Variants in FAF1 observed in about 807,000 individuals in gnomAD.
FAF1 encodes the protein Fas associated factor 1.
Under a neutral mutation model 92.5 loss-of-function variants are expected in FAF1, and 25 were observed. That is an observed-to-expected ratio of 0.27 (90% confidence interval 0.20 to 0.38). The LOEUF is 0.38. Ranked by LOEUF, FAF1 falls within the 10% of genes least tolerant of loss-of-function variation. The pLI is 1.00. For synonymous variants in FAF1, 234 were observed against 273.2 expected (o/e 0.86, Z 1.42); for missense variants, 636 against 793.3 (o/e 0.80, Z 2.38).
chr1:50,549,389 G>C (rs1472437255), intron 13 of FAF1, among the ~76,000 whole-genome samples: 1 of 152,012 alleles, frequency 6.6e-6, no homozygotes, highest in African/African-American at 2.4e-5. Flanking sequence ...GCTCACGGAA[G>C]GCTTGAACTC....
chr1:50,554,390 T>TATAGAGAGAGAGAGAGAGAG, intron 13 of FAF1, among the ~76,000 whole-genome samples: 11 of 93,688 alleles, frequency 1.2e-4, no homozygotes, highest in South Asian at 4.0e-4. Context: ...TATATATATA[T>TATAGAGAGAGAGAGAGAGAG]AGAGAGAGAG....
intron 6 of FAF1, among the ~76,000 whole-genome samples, chr1:50,709,375 A>G (rs1657821232): frequency 1.3e-5 from 2 of 152,210 alleles, no homozygotes; most frequent in Admixed American, 6.5e-5. Flanking sequence ...TGTTTTTATA[A>G]TAACTGATTA....
intron 4 of FAF1, among the ~76,000 whole-genome samples, chr1:50,752,591 T>C (rs1659910379): frequency 6.6e-6 from 1 of 152,232 alleles, no homozygotes; most frequent in Non-Finnish European, 1.5e-5. Flanking sequence ...TCATTTTCTC[T>C]ACTACTTATC....
rs1350693475 is a variant in FAF1 at position 50,734,657 on chromosome 1, C to T, written c.551+4206G>A. 2.0e-5 allele frequency among the ~76,000 whole-genome samples: 3 copies of T among 151,666 alleles called. 1 individual carries two copies. Among genetic ancestry groups the T allele is most frequent in the South Asian group, 4.2e-4 (2 of 4,798 alleles). On this transcript the variant is annotated intron_variant, in intron 6 of 18. Coordinates refer to ENST00000396153, the MANE Select transcript of FAF1 (RefSeq NM_007051.3). ...GCTGAGGCAGGAGAATGGCGTGAAC[C>T]CAGGGGGCGGAGCTTGCATTGAGCC...
intron 2 of FAF1, among the ~76,000 whole-genome samples, chr1:50,848,346 G>T (rs2048636): frequency 1.3e-5 from 2 of 152,056 alleles, no homozygotes; most frequent in Non-Finnish European, 1.5e-5. Flanking sequence ...ATGCCGTATA[G>T]GGCTGTTAAA....
intron 4 of FAF1, among the ~76,000 whole-genome samples, chr1:50,750,667 A>T (rs1357606086): frequency 4.9e-5 from 7 of 142,184 alleles, no homozygotes; most frequent in Admixed American, 7.5e-5. Context: ...TCTGTTGCCC[A>T]GGCTGGAGTG....
Position 50,583,807 on chromosome 1 carries a change from A to G in FAF1, c.968-92T>C. On this transcript the variant is annotated intron_variant, in intron 10 of 18. Coordinates refer to ENST00000396153, the MANE Select transcript of FAF1 (RefSeq NM_007051.3). This position sits in a 1 kb window ranked among gnomAD's most constrained non-coding sequence, Gnocchi z 4.2. ...CATAACATCTAATCCCACATATAAG[A>G]AATATATTCAATCAATAAAGAGGAA... 1 of 646,476 alleles carries G rather than the reference A, an allele frequency of 1.5e-6. No homozygotes were observed. The highest frequency in any genetic ancestry group is 2.5e-5 in the South Asian group (1 of 40,696). 40.0% of individuals were successfully genotyped at this position (646,476 alleles called of 1,614,324 possible).
At chr1:50,670,036 G>A (rs535999908) in intron 7 of FAF1, among the ~76,000 whole-genome samples, 2 of 150,932 alleles carry the variant, frequency 1.3e-5, no homozygotes, top group East Asian at 3.9e-4. Context: ...GAGGAGAATC[G>A]CTTGAACAAG....
intron 2 of FAF1, among the ~76,000 whole-genome samples, chr1:50,809,984 A>C (rs937270755): frequency 6.6e-6 from 1 of 152,230 alleles, no homozygotes; most frequent in Admixed American, 6.5e-5. Flanking sequence ...GGCTTGGCGC[A>C]GTGGCTCATG....
At chr1:50,767,904 A>G (rs1557518257) in intron 4 of FAF1, among the ~76,000 whole-genome samples, 1 of 152,220 alleles carries the variant, frequency 6.6e-6, no homozygotes, top group African/African-American at 2.4e-5. Flanking sequence ...CTGCATAATA[A>G]CCAGGTAACA....
intron 2 of FAF1, among the ~76,000 whole-genome samples, chr1:50,848,254 A>G (rs1644318758): frequency 6.6e-6 from 1 of 152,250 alleles, no homozygotes; most frequent in African/African-American, 2.4e-5. Flanking sequence ...ACAGTAGCAA[A>G]ATATTATGTT....
At chr1:50,865,353 A>T (rs1359152313) in intron 1 of FAF1, among the ~76,000 whole-genome samples, 6 of 147,514 alleles carry the variant, frequency 4.1e-5, no homozygotes, top group Middle Eastern at 3.6e-3. Context: ...TACCCAAAGG[A>T]CTATAAATCA....
At chr1:50,605,126 G>T (rs1185151957) in intron 8 of FAF1, among the ~76,000 whole-genome samples, 4 of 151,022 alleles carry the variant, frequency 2.6e-5, no homozygotes, top group African/African-American at 7.3e-5. Flanking sequence ...AGGTTTTTTT[G>T]TTTGTTTGTT....
At chr1:50,693,643 A>T (rs766079422) in intron 7 of FAF1, among the ~76,000 whole-genome samples, 2 of 152,142 alleles carry the variant, frequency 1.3e-5, no homozygotes, top group Non-Finnish European at 2.9e-5. Flanking sequence ...ATTATTCATT[A>T]AAAAAATTGA....
intron 9 of FAF1, among the ~76,000 whole-genome samples, chr1:50,591,785 G>C (rs981140947): frequency 6.6e-6 from 1 of 150,564 alleles, no homozygotes; most frequent in South Asian, 2.1e-4. Context: ...CTTTTCCCCC[G>C]ACTTTCTTCT....
chr1:50,781,084 C>T (rs1661159503), intron 4 of FAF1: 1 of 381,470 alleles, frequency 2.6e-6, no homozygotes, highest in South Asian at 2.0e-5. Context: ...TGAGTACCAG[C>T]TCTCACACTC....
Position 50,437,267 on chromosome 1 carries a change from T to TC in FAF1, c.*4172dup, listed in dbSNP as rs1646136200. 6.6e-6 allele frequency: 1 copy of TC among 152,226 alleles called. No individual in the cohort carries two copies. Among genetic ancestry groups the TC allele is most frequent in the Non-Finnish European group, 1.5e-5 (1 of 68,034 alleles). 9.4% of individuals were successfully genotyped at this position (152,226 alleles called of 1,614,324 possible). ...TTGATAAAAAGAATGGACAGATTCT[T>TC]CTCCCCAAATAGGATGACGTAAATG... On this transcript the variant is annotated 3_prime_UTR_variant, in exon 19 of 19. Coordinates refer to ENST00000396153, the MANE Select transcript of FAF1 (RefSeq NM_007051.3).
At chr1:50,721,965 T>G (rs887623718) in intron 6 of FAF1, among the ~76,000 whole-genome samples, 5 of 152,228 alleles carry the variant, frequency 3.3e-5, no homozygotes, top group Middle Eastern at 6.8e-3. Context: ...TCACAAATAC[T>G]GATCACTAAA....
intron 1 of FAF1, among the ~76,000 whole-genome samples, chr1:50,912,331 A>G (rs1283130141): frequency 6.6e-6 from 1 of 152,220 alleles, no homozygotes; most frequent in Non-Finnish European, 1.5e-5. Flanking sequence ...CTACTGAATC[A>G]GACTTTCTAG....
Sources: gnomAD v4.1 joint callset for allele counts (sites outside exome capture counted in the v4.1 genomes callset) on GRCh38, gnomAD v4.1.1 for gene constraint, Gnocchi (gnomAD v3.1) non-coding constraint, MANE v1.5 for transcripts, NCBI Gene and HGNC (gene_info 2026-07-23, HGNC 2026-07-21) for gene names.